The following KDM3B variants were observed in gnomAD, a reference collection of about 807,000 sequenced individuals.
The protein encoded by KDM3B is lysine demethylase 3B, also known as lysine-specific demethylase 3B.
KDM3B carries 10 observed loss-of-function variants against 170.0 expected under a neutral mutation model. That is an observed-to-expected ratio of 0.06 (90% CI 0.04 to 0.10). The LOEUF (loss-of-function observed/expected upper bound fraction) is 0.10. Ranked by LOEUF, KDM3B falls within the 10% of genes least tolerant of loss-of-function variation. KDM3B has a pLI of 1.00. For missense variants in KDM3B, 1,394 were observed against 2,195.2 expected, an observed-to-expected ratio of 0.64 and a Z score of 7.29; for synonymous variants, 831 against 834.8, an observed-to-expected ratio of 1.00 and a Z score of 0.08.
chr5:138,392,270 G>C lies in KDM3B; in HGVS notation c.2629+9G>C, dbSNP rs754390245. ...GACTGCCCCCCTGAAAGGTGATCCTGCTGGGGCTATATTTGGGCTTTGCTC... is the reference window on the plus strand; with the variant it reads ...GACTGCCCCCCTGAAAGGTGATCCTCCTGGGGCTATATTTGGGCTTTGCTC... On this transcript the variant is annotated intron_variant, in intron 8 of 23. Transcript: ENST00000314358. 1 of 1,479,542 alleles carries C rather than the reference G, an allele frequency of 6.8e-7. No homozygotes were observed. Among genetic ancestry groups the C allele is most frequent in the Non-Finnish European group, 9.0e-7 (1 of 1,112,692 alleles). 91.7% of individuals were successfully genotyped at this position (1,479,542 alleles called of 1,614,324 possible). A position where few individuals can be genotyped will look rare whatever the true frequency, so the allele number is the denominator to read the frequency against.
intron 7 of KDM3B, among the ~76,000 whole-genome samples, chr5:138,388,160 T>A (rs746055952): frequency 2.6e-5 from 4 of 152,114 alleles, no homozygotes; most frequent in Non-Finnish European, 4.4e-5. Flanking sequence ...TAGACCAGGT[T>A]TTACATGCTA....
intron 10 of KDM3B, 46 bp from the exon 11 acceptor site, chr5:138,399,814 A>G (rs779632235): frequency 3.2e-6 from 5 of 1,585,450 alleles, no homozygotes; most frequent in Admixed American, 3.4e-5. Context: ...GTCTTTTGTT[A>G]TTGGTCAGGA....
At chr5:138,395,736 T>A (rs572662962) in intron 9 of KDM3B, among the ~76,000 whole-genome samples, 1 of 151,412 alleles carries the variant, frequency 6.6e-6, no homozygotes, top group Admixed American at 6.6e-5. Context: ...CCTGCCTCAG[T>A]CTCCTGAGTA....
In KDM3B at chr5:138,436,021, C is replaced by T. The variant is rs1763665346; in HGVS notation, c.*321C>T. ...TCCTGATTTGAGATTCACGGGCACACCTTTCTTTTCTTTTCCTCTTGTGCC... is the reference window on the plus strand; with the variant it reads ...TCCTGATTTGAGATTCACGGGCACATCTTTCTTTTCTTTTCCTCTTGTGCC... On this transcript the variant is annotated 3_prime_UTR_variant, in exon 24 of 24. Transcript: ENST00000314358. The T allele has an allele frequency of 1.0e-5, 3 of 287,360 alleles. No individual in the cohort carries two copies. The highest frequency in any genetic ancestry group is 5.3e-5 in the South Asian group (1 of 18,772). 17.8% of individuals were successfully genotyped at this position (287,360 alleles called of 1,614,324 possible).
intron 22 of KDM3B, 117 bp downstream of exon 22, chr5:138,430,542 G>A (rs1580962109): frequency 2.2e-6 from 2 of 903,860 alleles, no homozygotes; most frequent in Non-Finnish European, 3.3e-6. Flanking sequence ...CTCTTATGCT[G>A]CAACTTATTT....
intron 6 of KDM3B, chr5:138,381,879 T>C (rs1371593066): frequency 1.9e-5 from 6 of 310,988 alleles, no homozygotes; most frequent in Non-Finnish European, 2.4e-5. Context: ...TTGAAAGATA[T>C]AGTAGTCAGT....
chr5:138,374,166 G>C (rs956933476), intron 2 of KDM3B: 44 of 282,610 alleles, frequency 1.6e-4, no homozygotes, highest in Non-Finnish European at 3.0e-4. Flanking sequence ...GCTAATTTTT[G>C]TATTTTTAGT....
rs74617835 is a variant in KDM3B, at chr5:138,379,412, G to A, written c.581-172G>A. On this transcript the variant is annotated intron_variant, in intron 4 of 23. Coordinates refer to ENST00000314358, the MANE Select transcript of KDM3B (RefSeq NM_016604.4). ...CACTGGAAGAAACCATTCAGGTTTT[G>A]TTTTTAAATTGCTCAGTATGGTAAA... 3.1e-3 allele frequency among the ~76,000 whole-genome samples: 474 copies of A among 152,218 alleles called. 4 individuals carry two copies. Among genetic ancestry groups the A allele is most frequent in the African/African-American group, 0.011 (442 of 41,540 alleles).
At position 138,430,243 on chromosome 5, in the gene KDM3B, CT is replaced by C. The variant is rs1561798305; in HGVS notation, c.4894-4del. On this transcript the variant is annotated splice_polypyrimidine_tract_variant and splice_region_variant and intron_variant, in intron 21 of 23. Transcript: ENST00000314358. ...TTCCCATCTTTGGATTTGATTATGGCTTCAGGTTGGAGAAGAACAAGGCCAA... is the reference window on the plus strand; with the variant it reads ...TTCCCATCTTTGGATTTGATTATGGCTCAGGTTGGAGAAGAACAAGGCCAA... 8 of 1,611,628 alleles carry C rather than the reference CT, an allele frequency of 5.0e-6. No individual in the cohort carries two copies. Among genetic ancestry groups the C allele is most frequent in the Non-Finnish European group, 6.8e-6 (8 of 1,178,348 alleles).
At chr5:138,365,844 C>A (rs906835037) in intron 1 of KDM3B, among the ~76,000 whole-genome samples, 33 of 151,946 alleles carry the variant, frequency 2.2e-4, no homozygotes, top group African/African-American at 2.4e-4. Context: ...ACTAAAAATA[C>A]AAAAATTAGC....
intron 14 of KDM3B, among the ~76,000 whole-genome samples, chr5:138,420,189 T>C (rs1763237280): frequency 6.6e-6 from 1 of 152,156 alleles, no homozygotes; most frequent in South Asian, 2.1e-4. Context: ...TTCCCAGCCA[T>C]ATACAAGACT....
rs754337329 is a variant in KDM3B at position 138,392,120 on chromosome 5, G to A, written c.2488G>A (p.Ala830Thr). The A allele has an allele frequency of 1.2e-6, 2 of 1,602,826 alleles. No homozygotes were observed. The highest frequency in any genetic ancestry group is 1.7e-6 in the Non-Finnish European group (2 of 1,170,748). Residue 830 changes from alanine (A) to threonine (T), a missense_variant, in exon 8 of 24, where the codon GCT (alanine) becomes ACT (threonine). Ala to Thr is a moderately conservative substitution (Grantham distance 58). This residue lies in a region of KDM3B where 84 missense variants were observed against 135.8 expected (regional missense o/e 0.62). Transcript: ENST00000314358. ...DLSDSEEQLQ[A>T]KTGLKGIPEH... ...GAGTGACTCTGAGGAGCAGCTGCAG[G>A]CTAAGACAGGCCTGAAGGGAATTCC...
intron 7 of KDM3B, among the ~76,000 whole-genome samples, chr5:138,388,878 C>T (rs573234855): frequency 6.6e-6 from 1 of 152,318 alleles, no homozygotes; most frequent in South Asian, 2.1e-4. Context: ...AAAATAAAGA[C>T]AGAGCCAACA....
Position 138,398,389 on chromosome 5 carries a change from C to G in KDM3B, c.3043C>G (p.His1015Asp), listed in dbSNP as rs765213421. 6.2e-7 allele frequency: 1 copy of G among 1,612,820 alleles called. No individual in the cohort carries two copies. Among genetic ancestry groups the G allele is most frequent in the Non-Finnish European group, 8.5e-7 (1 of 1,179,316 alleles). The stretch of plus-strand genomic sequence containing the variant: ...GGAGGCCATGATGATGGTGGAGCCA[C>G]ACCGTAAGTCACCTTCTCACTTGTC... Reference protein sequence around the residue: ...EKEAMMMVEPHQKVAWKRAVR... With the variant: ...EKEAMMMVEPDQKVAWKRAVR... Residue 1015 changes from histidine to aspartate, a missense_variant, in exon 10 of 24, where the codon CAC becomes GAC. His to Asp is a moderately conservative substitution (Grantham distance 81, BLOSUM62 -1). This residue lies in a region of KDM3B where 76 missense variants were observed against 190.2 expected (regional missense o/e 0.40). Coordinates refer to ENST00000314358, the MANE Select transcript of KDM3B (RefSeq NM_016604.4).
intron 6 of KDM3B, among the ~76,000 whole-genome samples, chr5:138,381,945 AGGATAAACTAC>A (rs1762135127): frequency 6.8e-6 from 1 of 146,324 alleles, no homozygotes. Flanking sequence ...CAAGAAGTGA[AGGATAAACTAC>A]GTCCACTTTT....
intron 1 of KDM3B, among the ~76,000 whole-genome samples, chr5:138,365,754 T>A (rs923212819): frequency 9.9e-5 from 15 of 151,844 alleles, no homozygotes; most frequent in African/African-American, 3.6e-4. Flanking sequence ...ATCCCAGCAC[T>A]TTGGGAGGCC....
At chr5:138,385,893 A>G in intron 6 of KDM3B, 129 bp from the exon 7 acceptor site, 1 of 1,032,434 alleles carries the variant, frequency 9.7e-7, no homozygotes, top group Non-Finnish European at 1.4e-6. Context: ...GGGATGTTTT[A>G]GAACTGGCAT....
intron 11 of KDM3B, among the ~76,000 whole-genome samples, chr5:138,406,595 G>A (rs773428353): frequency 1.3e-5 from 2 of 151,970 alleles, no homozygotes; most frequent in African/African-American, 4.8e-5. Flanking sequence ...CTGAGGTCGC[G>A]ACATTGCACT....
intron 11 of KDM3B, among the ~76,000 whole-genome samples, chr5:138,405,628 G>T (rs1762799356): frequency 1.3e-5 from 2 of 152,124 alleles, no homozygotes; most frequent in South Asian, 4.1e-4. Flanking sequence ...TCAGGCAGAA[G>T]AAAATGAAAT....
Sources: gnomAD v4.1 joint callset for allele counts (sites outside exome capture counted in the v4.1 genomes callset) on GRCh38, gnomAD v4.1.1 for gene constraint, gnomAD v4.1.1 regional missense constraint, MANE v1.5 for transcripts, NCBI Gene and HGNC (gene_info 2026-07-23, HGNC 2026-07-21) for gene names.